Variants in MCOLN2 observed in about 807,000 individuals in gnomAD.
The protein encoded by MCOLN2 is mucolipin-2.
MCOLN2 carries 57 observed loss-of-function variants against 67.5 expected under a neutral mutation model. That is an observed-to-expected ratio of 0.84 (90% CI 0.68 to 1.05). The LOEUF (loss-of-function observed/expected upper bound fraction) is 1.05, where lower values mean the gene tolerates loss of function less well. Ranked by LOEUF, MCOLN2 falls within the 50% of genes least tolerant of loss-of-function variation. The probability of loss-of-function intolerance (pLI) is 0.00; values close to 1 mark genes in which losing one functional copy is unlikely to be tolerated. For synonymous variants in MCOLN2, 246 were observed against 233.3 expected, an observed-to-expected ratio of 1.05 and a Z score of -0.50; for missense variants, 620 against 678.8, an observed-to-expected ratio of 0.91 and a Z score of 0.96.
intron 1 of MCOLN2, among the ~76,000 whole-genome samples, chr1:84,985,815 A>G (rs1296687285): frequency 6.6e-6 from 1 of 152,190 alleles, no homozygotes; most frequent in African/African-American, 2.4e-5. Flanking sequence ...ATGGAAACAC[A>G]TCCCACGCTC....
chr1:84,932,525 A>G (rs1647231077), intron 11 of MCOLN2, among the ~76,000 whole-genome samples: 1 of 152,142 alleles, frequency 6.6e-6, no homozygotes, highest in Non-Finnish European at 1.5e-5. Context: ...CATTTGTTAT[A>G]TAACAGACCA....
intron 1 of MCOLN2, among the ~76,000 whole-genome samples, chr1:84,981,995 G>A (rs961900266): frequency 2.0e-5 from 3 of 150,594 alleles, no homozygotes; most frequent in Non-Finnish European, 2.9e-5. Flanking sequence ...AAAAAATTAC[G>A]TTTATTGTAA....
chr1:84,935,502 T>C (rs1647376723), intron 11 of MCOLN2, among the ~76,000 whole-genome samples: 1 of 152,206 alleles, frequency 6.6e-6, no homozygotes, highest in Non-Finnish European at 1.5e-5. Flanking sequence ...AGATAGCTAG[T>C]CCAAATTGAG....
intron 7 of MCOLN2, among the ~76,000 whole-genome samples, chr1:84,942,072 G>A (rs1479069815): frequency 2.0e-5 from 3 of 152,128 alleles, no homozygotes; most frequent in Non-Finnish European, 4.4e-5. Context: ...CTGTCTGCCT[G>A]GAACAGCACT....
At chr1:84,977,652 T>A (rs1288321875) in intron 1 of MCOLN2, among the ~76,000 whole-genome samples, 1 of 152,198 alleles carries the variant, frequency 6.6e-6, no homozygotes, top group East Asian at 1.9e-4. Context: ...AAAAGTTCAC[T>A]ATATAATGAT....
intron 12 of MCOLN2, 51 bp from the exon 13 acceptor site, chr1:84,929,730 G>A (rs1204576078): frequency 1.9e-6 from 3 of 1,572,108 alleles, no homozygotes; most frequent in African/African-American, 1.4e-5. Context: ...ATGAGAAATT[G>A]CTCTTTTGTC....
chr1:84,975,480 G>A (rs1426463381), intron 1 of MCOLN2, among the ~76,000 whole-genome samples: 3 of 152,152 alleles, frequency 2.0e-5, no homozygotes, highest in Non-Finnish European at 2.9e-5. Flanking sequence ...ACTAGGCTTG[G>A]GGTGCCCTCC....
At chr1:84,929,933 T>TA (rs869105033) in intron 12 of MCOLN2, 3,097 of 194,788 alleles carry the variant, frequency 0.016, 47 homozygotes, top group African/African-American at 0.044. Context: ...AGGTTTTTTT[T>TA]AAAAAAAAAA....
chr1:84,953,433 C>G (rs960238014), intron 4 of MCOLN2, among the ~76,000 whole-genome samples: 21 of 151,976 alleles, frequency 1.4e-4, no homozygotes, highest in Non-Finnish European at 2.4e-4. Context: ...GCCTGTAATC[C>G]CAGCTACTCA....
intron 1 of MCOLN2, among the ~76,000 whole-genome samples, chr1:84,977,300 C>T (rs973149666): frequency 6.6e-6 from 1 of 151,780 alleles, no homozygotes; most frequent in African/African-American, 2.4e-5. Context: ...AGAAAATCAC[C>T]TTCATTAAAG....
chr1:84,931,650 A>G lies in MCOLN2; in HGVS notation c.1336-82T>C, dbSNP rs77111654. On this transcript the variant is annotated intron_variant, in intron 11 of 13. Transcript: ENST00000370608. ...TATCTAGTTAGCTTGTTTTGTTAAC[A>G]TTGTTTTTGTCATTGTAGTAGTGGT... 4.7e-3 allele frequency: 5,595 copies of G among 1,187,722 alleles called. 203 individuals carry two copies. The African/African-American group carries it at 0.075, about 16-fold the overall frequency. 73.6% of individuals were successfully genotyped at this position (1,187,722 alleles called of 1,614,324 possible).
chr1:84,947,145 A>C lies in MCOLN2; in HGVS notation c.748-13T>G, dbSNP rs1417571850. On this transcript the variant is annotated splice_polypyrimidine_tract_variant and intron_variant, in intron 6 of 13. Coordinates refer to ENST00000370608, the MANE Select transcript of MCOLN2 (RefSeq NM_153259.4). ...TGTCAAAGATAATCTGGAGACACAA[A>C]TGTATAGCGAGATTACAACACAGAA... The C allele has an allele frequency of 7.8e-7, 1 of 1,288,372 alleles. No individual in the cohort carries two copies. The highest frequency in any genetic ancestry group is 2.3e-5 in the East Asian group (1 of 43,400). 79.8% of individuals were successfully genotyped at this position (1,288,372 alleles called of 1,614,324 possible). A position where few individuals can be genotyped will look rare whatever the true frequency, so the allele number is the denominator to read the frequency against.
At chr1:84,936,072 T>C (rs1647409946) in intron 11 of MCOLN2, among the ~76,000 whole-genome samples, 1 of 152,184 alleles carries the variant, frequency 6.6e-6, no homozygotes, top group South Asian at 2.1e-4. Flanking sequence ...ACTTTCTAGC[T>C]GGGTAATCTC....
intron 2 of MCOLN2, among the ~76,000 whole-genome samples, chr1:84,962,723 C>A (rs976641970): frequency 6.6e-6 from 1 of 152,078 alleles, no homozygotes; most frequent in Admixed American, 6.6e-5. Flanking sequence ...GGAAGAGAAT[C>A]ATTGGGTTGG....
Position 84,940,102 on chromosome 1 carries a change from G to A in MCOLN2, c.961-400C>T, listed in dbSNP as rs12058812. Among the ~76,000 whole-genome samples the A allele has an allele frequency of 7.6e-3, 1,151 of 151,908 alleles. 17 individuals carry two copies. The highest frequency in any genetic ancestry group is 0.025 in the African/African-American group (1,041 of 41,388). On this transcript the variant is annotated intron_variant, in intron 8 of 13. Coordinates refer to ENST00000370608, the MANE Select transcript of MCOLN2 (RefSeq NM_153259.4). ...GCCAGGATCCGTGTCCAGGCAGGCC[G>A]GCTCCAGAGTGCGTGCTCCAAATAT...
Position 84,986,967 on chromosome 1 carries a change from A to T in MCOLN2, c.77+9829T>A, listed in dbSNP as rs115443383. Reference sequence around the variant, plus strand: ...CATACAACCACTGAAAACAATGTGGAGATTCCTTAAAGGACTAAAAGTAGA... The same window carrying T: ...CATACAACCACTGAAAACAATGTGGTGATTCCTTAAAGGACTAAAAGTAGA... On this transcript the variant is annotated intron_variant, in intron 1 of 13. Coordinates refer to ENST00000370608, the MANE Select transcript of MCOLN2 (RefSeq NM_153259.4). Among the ~76,000 whole-genome samples the T allele has an allele frequency of 4.6e-3, 701 of 152,278 alleles. 3 individuals are homozygous for T. Among genetic ancestry groups the T allele is most frequent in the African/African-American group, 0.016 (666 of 41,558 alleles).
At chr1:84,928,432 G>A (rs544832507) in intron 13 of MCOLN2, among the ~76,000 whole-genome samples, 2 of 152,274 alleles carry the variant, frequency 1.3e-5, no homozygotes, top group African/African-American at 4.8e-5. Flanking sequence ...CCATAGGGCT[G>A]CATGACAAAA....
intron 1 of MCOLN2, among the ~76,000 whole-genome samples, chr1:84,985,467 G>T (rs1335142292): frequency 6.6e-6 from 1 of 152,106 alleles, no homozygotes; most frequent in Non-Finnish European, 1.5e-5. Context: ...CATGATGTGG[G>T]TTTCCATATT....
At chr1:84,940,154 G>A (rs374354766) in intron 8 of MCOLN2, among the ~76,000 whole-genome samples, 1 of 152,022 alleles carries the variant, frequency 6.6e-6, no homozygotes, top group African/African-American at 2.4e-5. Flanking sequence ...GCAGGGAAAG[G>A]ACCTTAACTT....
Sources: gnomAD v4.1 joint callset for allele counts (sites outside exome capture counted in the v4.1 genomes callset) on GRCh38, gnomAD v4.1.1 for gene constraint, MANE v1.5 for transcripts, NCBI Gene and HGNC (gene_info 2026-07-23, HGNC 2026-07-21) for gene names.